LRMDA: variants seen among roughly 807,000 people sequenced by gnomAD.
The protein encoded by LRMDA is leucine-rich melanocyte differentiation-associated protein.
Under a neutral mutation model 29.8 loss-of-function variants are expected in LRMDA, and 18 were observed. The observed-to-expected ratio is 0.60, with a 90% confidence interval of 0.42 to 0.90. LRMDA has a LOEUF of 0.90. Among genes scored for constraint, LRMDA ranks in the 40% least tolerant of loss-of-function variants. The probability of loss-of-function intolerance (pLI) is 0.00; values close to 1 mark genes in which losing one functional copy is unlikely to be tolerated. For missense variants in LRMDA, 273 were observed against 273.9 expected (o/e 1.00, Z 0.02); for synonymous variants, 125 against 109.4 (o/e 1.14, Z -0.89).
At chr10:76,386,862 G>A (rs556850193) in intron 6 of LRMDA, among the ~76,000 whole-genome samples, 1 of 151,910 alleles carries the variant, frequency 6.6e-6, no homozygotes, top group South Asian at 2.1e-4. Context: ...GAGTTCTACT[G>A]AACAACAACA....
intron 5 of LRMDA, among the ~76,000 whole-genome samples, chr10:76,299,427 AT>A (rs1412325624): frequency 6.6e-6 from 1 of 152,114 alleles, no homozygotes; most frequent in African/African-American, 2.4e-5. Flanking sequence ...TAGCCCTTAA[AT>A]ACCTTCTTTT....
chr10:76,001,660 C>T (rs1847565419), intron 2 of LRMDA, among the ~76,000 whole-genome samples: 1 of 151,148 alleles, frequency 6.6e-6, no homozygotes, highest in South Asian at 2.1e-4. Context: ...TTTAATGAAA[C>T]ATTTATTAAT....
chr10:76,084,150 T>TTGGATA (rs1263834102), intron 5 of LRMDA, among the ~76,000 whole-genome samples: 7 of 152,196 alleles, frequency 4.6e-5, no homozygotes, highest in Non-Finnish European at 7.4e-5. Flanking sequence ...CCAAGGGACT[T>TTGGATA]GGCTCAGTAG....
chr10:75,518,031 T>A (rs1845313352), intron 2 of LRMDA, among the ~76,000 whole-genome samples: 1 of 152,226 alleles, frequency 6.6e-6, no homozygotes, highest in East Asian at 1.9e-4. Context: ...GAACCAGCCT[T>A]GCATCCCAGG....
At chr10:76,517,908 C>G (rs2132357723) in intron 6 of LRMDA, among the ~76,000 whole-genome samples, 1 of 140,964 alleles carries the variant, frequency 7.1e-6, no homozygotes, top group East Asian at 2.0e-4. Flanking sequence ...AAATCCCAAC[C>G]TAGTGAAGCA....
intron 6 of LRMDA, among the ~76,000 whole-genome samples, chr10:76,546,903 A>G (rs1365686241): frequency 6.6e-6 from 1 of 152,196 alleles, no homozygotes; most frequent in African/African-American, 2.4e-5. Context: ...CCCATGTACC[A>G]GAGACCAATG....
At chr10:75,807,550 A>G (rs1564573269) in intron 2 of LRMDA, among the ~76,000 whole-genome samples, 1 of 152,198 alleles carries the variant, frequency 6.6e-6, no homozygotes, top group East Asian at 1.9e-4. Flanking sequence ...ACATTCGACA[A>G]ACTTTTACTT....
chr10:75,760,415 G>A (rs1334786120), intron 2 of LRMDA, among the ~76,000 whole-genome samples: 1 of 152,208 alleles, frequency 6.6e-6, no homozygotes, highest in Non-Finnish European at 1.5e-5. Context: ...GCTGGAAAGG[G>A]CAGCTGGGGA....
intron 2 of LRMDA, among the ~76,000 whole-genome samples, chr10:76,009,859 C>T (rs1431983986): frequency 6.6e-6 from 1 of 151,914 alleles, no homozygotes; most frequent in East Asian, 1.9e-4. Flanking sequence ...CTCCCCCAGC[C>T]CCTCATTTCA....
At chr10:76,105,422 TG>T (rs967984195) in intron 5 of LRMDA, among the ~76,000 whole-genome samples, 10 of 130,352 alleles carry the variant, frequency 7.7e-5, no homozygotes, top group Admixed American at 6.9e-4. Flanking sequence ...ATTTGGGGGG[TG>T]GGGGGGAAGA....
chr10:75,980,374 G>A (rs1016608100), intron 2 of LRMDA, among the ~76,000 whole-genome samples: 2 of 152,208 alleles, frequency 1.3e-5, no homozygotes. Flanking sequence ...TGGAGAGCAC[G>A]CAGTCAATAC....
At chr10:76,376,900 T>G (rs1470453623) in intron 6 of LRMDA, among the ~76,000 whole-genome samples, 1 of 115,366 alleles carries the variant, frequency 8.7e-6, no homozygotes, top group African/African-American at 4.0e-5. Flanking sequence ...TTTTTTTTTT[T>G]TTTGAGACGT....
At chr10:75,702,467 C>T (rs1166422916) in intron 2 of LRMDA, among the ~76,000 whole-genome samples, 1 of 152,126 alleles carries the variant, frequency 6.6e-6, no homozygotes, top group Non-Finnish European at 1.5e-5. Context: ...CACTAAAGAC[C>T]TAGATGCGGG....
intron 2 of LRMDA, among the ~76,000 whole-genome samples, chr10:75,924,262 C>T (rs903023136): frequency 6.6e-6 from 1 of 152,124 alleles, no homozygotes; most frequent in Non-Finnish European, 1.5e-5. Flanking sequence ...ATATTAAGCA[C>T]AACAACTACG....
intron 2 of LRMDA, among the ~76,000 whole-genome samples, chr10:75,992,234 C>T (rs1191903435): frequency 1.3e-5 from 2 of 152,154 alleles, no homozygotes. Flanking sequence ...AATCACTGGA[C>T]ATCTCCTTTG....
chr10:75,835,885 G>A (rs1175999915), intron 2 of LRMDA, among the ~76,000 whole-genome samples: 1 of 152,214 alleles, frequency 6.6e-6, no homozygotes. Flanking sequence ...TGGTGCTGCA[G>A]TTCAGTGCTA....
intron 6 of LRMDA, among the ~76,000 whole-genome samples, chr10:76,548,205 C>A (rs540662155): frequency 6.6e-6 from 1 of 152,196 alleles, no homozygotes; most frequent in South Asian, 2.1e-4. Context: ...CCAGTTGGAA[C>A]CTTATTTTTC....
intron 2 of LRMDA, among the ~76,000 whole-genome samples, chr10:75,507,094 C>A (rs1332532013): frequency 1.3e-5 from 2 of 150,608 alleles, no homozygotes. Flanking sequence ...AGTGTACAAG[C>A]CTTGTGTTCT....
intron 5 of LRMDA, among the ~76,000 whole-genome samples, chr10:76,214,229 T>C (rs1851685334): frequency 6.6e-6 from 1 of 152,106 alleles, no homozygotes; most frequent in Non-Finnish European, 1.5e-5. Context: ...AAATCCACTA[T>C]TTTCTCATCT....
Sources: gnomAD v4.1 joint callset for allele counts (sites outside exome capture counted in the v4.1 genomes callset) on GRCh38, gnomAD v4.1.1 for gene constraint, MANE v1.5 for transcripts, NCBI Gene and HGNC (gene_info 2026-07-23, HGNC 2026-07-21) for gene names.